The following DNAJC1 variants were observed in gnomAD, a reference collection of about 807,000 sequenced individuals.
The protein encoded by DNAJC1 is dnaJ homolog subfamily C member 1.
In DNAJC1, 58 loss-of-function variants were observed where a neutral mutation model predicts 76.6. The ratio of observed to expected loss-of-function variants is 0.76; its 90% CI spans 0.61 to 0.94. The LOEUF is 0.94. Among genes scored for constraint, DNAJC1 ranks in the 40% least tolerant of loss-of-function variants. The pLI is 0.00. For synonymous variants in DNAJC1, 258 were observed against 267.9 expected (o/e 0.96, Z 0.36); for missense variants, 689 against 677.3 (o/e 1.02, Z -0.19).
intron 8 of DNAJC1, among the ~76,000 whole-genome samples, chr10:21,827,581 C>T (rs552278839): frequency 1.1e-4 from 17 of 152,280 alleles, no homozygotes; most frequent in African/African-American, 2.6e-4. Context: ...TGGTGTTCTG[C>T]GGCTTGCAGC....
intron 1 of DNAJC1, among the ~76,000 whole-genome samples, chr10:21,998,994 C>T (rs1405285326): frequency 6.6e-6 from 1 of 152,194 alleles, no homozygotes; most frequent in Non-Finnish European, 1.5e-5. Context: ...GGTCCAAGTT[C>T]TAAGTCATCT....
intron 8 of DNAJC1, among the ~76,000 whole-genome samples, chr10:21,847,833 C>T (rs568552634): frequency 4.8e-4 from 73 of 152,196 alleles, no homozygotes; most frequent in African/African-American, 1.6e-3. Context: ...TGGACAAACA[C>T]ACCATTTTCT....
intron 1 of DNAJC1, among the ~76,000 whole-genome samples, chr10:21,967,971 T>C (rs1837919178): frequency 6.6e-6 from 1 of 152,240 alleles, no homozygotes; most frequent in Admixed American, 6.5e-5. Context: ...ATACAACTTA[T>C]TAACTTCTAA....
intron 1 of DNAJC1, among the ~76,000 whole-genome samples, chr10:21,989,297 G>A (rs1838295358): frequency 1.3e-5 from 2 of 151,862 alleles, no homozygotes; most frequent in Admixed American, 1.3e-4. Flanking sequence ...AGTATTTGAG[G>A]GACTTCCTCC....
chr10:21,805,871 G>A (rs1463892604), intron 9 of DNAJC1, 109 bp downstream of exon 9: 26 of 1,436,562 alleles, frequency 1.8e-5, no homozygotes, highest in Non-Finnish European at 2.3e-5. Context: ...TAAAAGGATT[G>A]TTGTATCCCC....
intron 9 of DNAJC1, among the ~76,000 whole-genome samples, chr10:21,785,851 C>T (rs956067540): frequency 1.3e-5 from 2 of 152,072 alleles, no homozygotes; most frequent in Non-Finnish European, 2.9e-5. Flanking sequence ...GGAAATTGTA[C>T]GACTAAGAAG....
At chr10:21,799,652 C>T (rs889892702) in intron 9 of DNAJC1, among the ~76,000 whole-genome samples, 1 of 152,010 alleles carries the variant, frequency 6.6e-6, no homozygotes, top group Admixed American at 6.6e-5. Context: ...AAGTTCTCAG[C>T]CATACTATCT....
At chr10:21,796,142 G>C (rs991397129) in intron 9 of DNAJC1, among the ~76,000 whole-genome samples, 2 of 151,680 alleles carry the variant, frequency 1.3e-5, no homozygotes, top group Admixed American at 6.6e-5. Context: ...GCTAATTTTT[G>C]TATTTTTAGT....
At chr10:21,919,073 T>C (rs1385211673) in intron 5 of DNAJC1, among the ~76,000 whole-genome samples, 1 of 152,046 alleles carries the variant, frequency 6.6e-6, no homozygotes, top group Non-Finnish European at 1.5e-5. Flanking sequence ...AAATGCAATA[T>C]ATATAGCATG....
chr10:21,928,944 C>A, intron 2 of DNAJC1, 96 bp downstream of exon 2: 3 of 767,364 alleles, frequency 3.9e-6, no homozygotes, highest in African/African-American at 1.8e-5. Context: ...ACCTCATTTT[C>A]AAATGAAAAT....
chr10:21,760,952 G>C (rs1834233435), intron 10 of DNAJC1, among the ~76,000 whole-genome samples: 1 of 152,202 alleles, frequency 6.6e-6, no homozygotes, highest in East Asian at 1.9e-4. Flanking sequence ...CCAAGGCAAG[G>C]TGGATCACTT....
chr10:21,835,385 A>G (rs1462986505), intron 8 of DNAJC1, among the ~76,000 whole-genome samples: 1 of 152,204 alleles, frequency 6.6e-6, no homozygotes, highest in Admixed American at 6.5e-5. Flanking sequence ...AAAAAAACAG[A>G]GCAGAAAAAC....
intron 8 of DNAJC1, among the ~76,000 whole-genome samples, chr10:21,819,296 G>A (rs761228909): frequency 2.0e-5 from 3 of 151,988 alleles, no homozygotes; most frequent in Non-Finnish European, 4.4e-5. Context: ...AGCTACCTGG[G>A]AAGCTGAGGC....
chr10:21,813,799 C>T (rs1835030408), intron 8 of DNAJC1, among the ~76,000 whole-genome samples: 1 of 152,138 alleles, frequency 6.6e-6, no homozygotes, highest in African/African-American at 2.4e-5. Flanking sequence ...GTTCAGGATT[C>T]CCCATCTGTA....
chr10:21,917,772 G>A (rs1422917758), intron 6 of DNAJC1, among the ~76,000 whole-genome samples: 2 of 151,912 alleles, frequency 1.3e-5, no homozygotes, highest in Non-Finnish European at 2.9e-5. Flanking sequence ...TAACTATTAA[G>A]ATGAACTATT....
At chr10:21,984,094 A>C (rs1838200229) in intron 1 of DNAJC1, among the ~76,000 whole-genome samples, 1 of 152,232 alleles carries the variant, frequency 6.6e-6, no homozygotes, top group African/African-American at 2.4e-5. Context: ...GAAATTCTAT[A>C]GACAAAAATA....
At chr10:21,896,878 A>G (rs1836552644) in intron 7 of DNAJC1, among the ~76,000 whole-genome samples, 2 of 152,158 alleles carry the variant, frequency 1.3e-5, no homozygotes, top group African/African-American at 4.8e-5. Context: ...TCCCTCTTGA[A>G]AAAATTAAGA....
At chr10:21,776,926 T>C (rs1256489481) in intron 9 of DNAJC1, among the ~76,000 whole-genome samples, 3 of 152,240 alleles carry the variant, frequency 2.0e-5, no homozygotes, top group African/African-American at 7.2e-5. Flanking sequence ...TTATTCTCTT[T>C]TTAATGGTTT....
chr10:21,816,501 A>T (rs1370596268), intron 8 of DNAJC1, among the ~76,000 whole-genome samples: 4 of 150,626 alleles, frequency 2.7e-5, no homozygotes, highest in African/African-American at 9.8e-5. Context: ...TGAGCACAGG[A>T]GCTCGAGACC....
Sources: gnomAD v4.1 joint callset for allele counts (sites outside exome capture counted in the v4.1 genomes callset) on GRCh38, gnomAD v4.1.1 for gene constraint, MANE v1.5 for transcripts, NCBI Gene and HGNC (gene_info 2026-07-23, HGNC 2026-07-21) for gene names.